Variants in RAB2B observed in about 807,000 individuals in gnomAD.
The protein encoded by RAB2B is ras-related protein Rab-2B.
RAB2B carries 20 observed loss-of-function variants against 29.8 expected under a neutral mutation model. The observed-to-expected ratio is 0.67, with a 90% CI of 0.47 to 0.97. RAB2B has a LOEUF of 0.97. Among genes scored for constraint, RAB2B ranks in the 50% least tolerant of loss-of-function variants. The pLI is 0.00. For missense variants in RAB2B, 218 were observed against 272.0 expected (o/e 0.80, Z 1.40); for synonymous variants, 93 against 91.7 (o/e 1.01, Z -0.08).
rs796382106 is a variant in RAB2B, at chr14:21,474,452, AACT to A, written c.186+412_186+414del. Reference sequence around the variant, plus strand: ...TACATGTAAACACTAATAAAAACAAAACTACTACCATATATTTCTATGTGTTTA... The same window carrying A: ...TACATGTAAACACTAATAAAAACAAAACTACCATATATTTCTATGTGTTTA... On this transcript the variant is annotated intron_variant, in intron 3 of 7. Transcript: ENST00000397762. 2.8e-3 allele frequency: 434 copies of A among 155,442 alleles called. 1 individual carries two copies. The highest frequency in any genetic ancestry group is 0.011 in the African/African-American group (412 of 37,694). 9.6% of individuals were successfully genotyped at this position (155,442 alleles called of 1,614,324 possible).
rs968194452 is a variant in RAB2B, at chr14:21,460,477, C to T, written c.*719G>A. On this transcript the variant is annotated 3_prime_UTR_variant, in exon 8 of 8. Coordinates refer to ENST00000397762, the MANE Select transcript of RAB2B (RefSeq NM_032846.4). ...GCACATGCCTGTAGTCCCAGCTACT[C>T]GGGAGGTTGAGGCAGGAGAACTGCT... The T allele has an allele frequency of 3.8e-5, 11 of 293,296 alleles. No individual in the cohort carries two copies. The highest frequency in any genetic ancestry group is 5.3e-5 in the Non-Finnish European group (8 of 149,900). 18.2% of individuals were successfully genotyped at this position (293,296 alleles called of 1,614,324 possible). A position where few individuals can be genotyped will look rare whatever the true frequency, so the allele number is the denominator to read the frequency against.
intron 4 of RAB2B, 48 bp downstream of exon 4, chr14:21,468,622 A>T: frequency 7.1e-7 from 1 of 1,408,544 alleles, no homozygotes. Context: ...AAAAAGCTTT[A>T]GAGGATTTAG....
chr14:21,460,317 G>C lies in RAB2B; in HGVS notation c.*879C>G. 1 of 516,802 alleles carries C rather than the reference G, an allele frequency of 1.9e-6. No individual in the cohort carries two copies. The highest frequency in any genetic ancestry group is 1.9e-5 in the African/African-American group (1 of 51,956). The allele number at this position is 516,802 out of a possible 1,614,324, so 32.0% of individuals were successfully genotyped here. On this transcript the variant is annotated 3_prime_UTR_variant, in exon 8 of 8. Coordinates refer to ENST00000397762, the MANE Select transcript of RAB2B (RefSeq NM_032846.4). ...AAATTATTTATTTAGGCCAGGCACG[G>C]TGGCTCACACCTGTAATCCAGCACT...
At chr14:21,475,164 A>G (rs1890916320) in intron 2 of RAB2B, among the ~76,000 whole-genome samples, 1 of 152,234 alleles carries the variant, frequency 6.6e-6, no homozygotes, top group Non-Finnish European at 1.5e-5. Flanking sequence ...AATGTAACCA[A>G]AAAGCAGATA....
Position 21,460,073 on chromosome 14 carries a change from T to A in RAB2B, c.*1123A>T, listed in dbSNP as rs1890504212. 1.4e-5 allele frequency: 7 copies of A among 498,170 alleles called. No individual in the cohort carries two copies. The highest frequency in any genetic ancestry group is 1.0e-4 in the South Asian group (7 of 68,694). 30.9% of individuals were successfully genotyped at this position (498,170 alleles called of 1,614,324 possible). A position where few individuals can be genotyped will look rare whatever the true frequency, so the allele number is the denominator to read the frequency against. On this transcript the variant is annotated 3_prime_UTR_variant, in exon 8 of 8. Coordinates refer to ENST00000397762, the MANE Select transcript of RAB2B (RefSeq NM_032846.4). ...AGCTAATAATAGGATAGTAGAGAAGTACTCAGTGCTCTTGGGCAAGTAGAG... is the reference window on the plus strand; with the variant it reads ...AGCTAATAATAGGATAGTAGAGAAGAACTCAGTGCTCTTGGGCAAGTAGAG...
intron 3 of RAB2B, among the ~76,000 whole-genome samples, chr14:21,473,140 A>G (rs1890859992): frequency 6.6e-6 from 1 of 152,242 alleles, no homozygotes; most frequent in African/African-American, 2.4e-5. Context: ...CTTTTAAGAC[A>G]TACACTTGCG....
chr14:21,470,138 A>G (rs1045858780), intron 3 of RAB2B, among the ~76,000 whole-genome samples: 2 of 151,716 alleles, frequency 1.3e-5, no homozygotes, highest in Admixed American at 6.6e-5. Context: ...TATTTTTGGT[A>G]GAGATGGGTT....
intron 3 of RAB2B, among the ~76,000 whole-genome samples, chr14:21,471,632 G>T (rs908113045): frequency 7.2e-6 from 1 of 138,760 alleles, no homozygotes; most frequent in Non-Finnish European, 1.6e-5. Flanking sequence ...AAAAAAAAAA[G>T]AAAAGAAAAG....
intron 6 of RAB2B, 42 bp from the exon 7 acceptor site, chr14:21,462,460 TAGAGA>T: frequency 6.6e-7 from 1 of 1,508,062 alleles, no homozygotes; most frequent in East Asian, 2.3e-5. Context: ...CAAGTTCAGG[TAGAGA>T]AATGAGGGAA....
In RAB2B at chr14:21,459,249, T is replaced by C. The variant is rs1053457071; in HGVS notation, c.*1947A>G. 1 of 152,136 alleles carries C rather than the reference T, an allele frequency of 6.6e-6. No homozygotes were observed. Among genetic ancestry groups the C allele is most frequent in the African/African-American group, 2.4e-5 (1 of 41,404 alleles). 9.4% of individuals were successfully genotyped at this position (152,136 alleles called of 1,614,324 possible). A position where few individuals can be genotyped will look rare whatever the true frequency, so the allele number is the denominator to read the frequency against. ...GAATGGCTGGATAGGTACCCACTTA[T>C]GTGACTGCTTACTAGCAGGCAGCCT... On this transcript the variant is annotated 3_prime_UTR_variant, in exon 8 of 8. Transcript: ENST00000397762.
Position 21,460,930 on chromosome 14 carries a change from C to G in RAB2B, c.*266G>C, listed in dbSNP as rs534272063. 117 of 245,566 alleles carry G rather than the reference C, an allele frequency of 4.8e-4. No homozygotes were observed. The highest frequency in any genetic ancestry group is 2.5e-3 in the African/African-American group (111 of 44,614). The allele number at this position is 245,566 out of a possible 1,614,324, so 15.2% of individuals were successfully genotyped here. ...GCCCCGCCATGAAATTATTTTTTAA[C>G]TACTGTGATAATCAACTTTGATCCT... is the stretch of plus-strand genomic sequence containing the variant. On this transcript the variant is annotated 3_prime_UTR_variant, in exon 8 of 8. Coordinates refer to ENST00000397762, the MANE Select transcript of RAB2B (RefSeq NM_032846.4).
intron 3 of RAB2B, chr14:21,474,635 T>G (rs1338501986): frequency 1.5e-5 from 7 of 466,112 alleles, no homozygotes; most frequent in Admixed American, 3.8e-5. Context: ...AAATTTATAT[T>G]GTTTGATTTT....
chr14:21,462,528 A>G, intron 6 of RAB2B, 110 bp from the exon 7 acceptor site: 1 of 1,058,892 alleles, frequency 9.4e-7, no homozygotes, highest in East Asian at 2.8e-5. Context: ...ATTAGGAACC[A>G]TTAGAAGACA....
Position 21,476,666 on chromosome 14 carries a change from G to A in RAB2B, c.47-67C>T, listed in dbSNP as rs749336060. The A allele has an allele frequency of 1.2e-5, 20 of 1,613,196 alleles. No individual in the cohort carries two copies. In the East Asian group the frequency reaches 4.0e-4, roughly 32 times the overall value. On this transcript the variant is annotated intron_variant, in intron 1 of 7. Coordinates refer to ENST00000397762, the MANE Select transcript of RAB2B (RefSeq NM_032846.4). ...ACACCTTCCAGAGTATGGACTTCCCGGACCAGAGAAGGGGGGCTCCCGAGC... is the reference window on the plus strand; with the variant it reads ...ACACCTTCCAGAGTATGGACTTCCCAGACCAGAGAAGGGGGGCTCCCGAGC...
rs747669859 is a variant in RAB2B, at chr14:21,460,065, TA to T, written c.*1130del. 3 of 487,588 alleles carry T rather than the reference TA, an allele frequency of 6.2e-6. No homozygotes were observed. Among genetic ancestry groups the T allele is most frequent in the Non-Finnish European group, 1.2e-5 (3 of 246,270 alleles). 30.2% of individuals were successfully genotyped at this position (487,588 alleles called of 1,614,324 possible). A position where few individuals can be genotyped will look rare whatever the true frequency, so the allele number is the denominator to read the frequency against. On this transcript the variant is annotated 3_prime_UTR_variant, in exon 8 of 8. Coordinates refer to ENST00000397762, the MANE Select transcript of RAB2B (RefSeq NM_032846.4). ...GAGATAGAAGCTAATAATAGGATAGTAGAGAAGTACTCAGTGCTCTTGGGCA... is the reference window on the plus strand; with the variant it reads ...GAGATAGAAGCTAATAATAGGATAGTGAGAAGTACTCAGTGCTCTTGGGCA...
chr14:21,475,213 G>A (rs1566474500), intron 2 of RAB2B, among the ~76,000 whole-genome samples: 1 of 152,114 alleles, frequency 6.6e-6, no homozygotes, highest in Non-Finnish European at 1.5e-5. Context: ...AATTTAAAAA[G>A]GTGAATACTT....
chr14:21,475,586 C>T (rs1437024011), intron 2 of RAB2B, among the ~76,000 whole-genome samples: 1 of 152,128 alleles, frequency 6.6e-6, no homozygotes, highest in East Asian at 1.9e-4. Flanking sequence ...CACGCCACAA[C>T]GCCCACCTAA....
At chr14:21,474,040 C>T (rs1456106963) in intron 3 of RAB2B, among the ~76,000 whole-genome samples, 1 of 151,698 alleles carries the variant, frequency 6.6e-6, no homozygotes, top group Non-Finnish European at 1.5e-5. Flanking sequence ...ATACAAAAAA[C>T]ATTAGCCACG....
At chr14:21,469,829 C>T (rs570348596) in intron 3 of RAB2B, among the ~76,000 whole-genome samples, 67 of 152,092 alleles carry the variant, frequency 4.4e-4, no homozygotes, top group South Asian at 8.3e-4. Flanking sequence ...TATAACACTG[C>T]AATAGTACTA....
Sources: allele counts gnomAD v4.1 joint callset (sites outside exome capture counted in the v4.1 genomes callset), GRCh38; gene constraint gnomAD v4.1.1; transcripts MANE v1.5; gene names NCBI Gene and HGNC (gene_info 2026-07-23, HGNC 2026-07-21).